ERVW-1: variants seen among roughly 807,000 people sequenced by gnomAD.
ERVW-1 encodes the protein endogenous retrovirus group W member 1, envelope, also known as syncytin-1.
In ERVW-1, 21 loss-of-function variants were observed where a neutral mutation model predicts 16.6. The ratio of observed to expected loss-of-function variants is 1.26; its 90% CI spans 0.90 to 1.82. The LOEUF (loss-of-function observed/expected upper bound fraction) is 1.82, where lower values mean the gene tolerates loss of function less well. Among genes scored for constraint, ERVW-1 ranks in the 40% most tolerant of loss-of-function variants. The probability of loss-of-function intolerance (pLI) is 0.00; values close to 1 mark genes in which losing one functional copy is unlikely to be tolerated. For missense variants in ERVW-1, 412 were observed against 300.2 expected (o/e 1.37, Z -2.75); for synonymous variants, 161 against 109.8 (o/e 1.47, Z -2.92).
chr7:92,468,832 C>G lies in ERVW-1; in HGVS notation c.1550G>C (p.Gly517Ala). The G allele has an allele frequency of 2.6e-6, 2 of 764,240 alleles. No individual in the cohort carries two copies. The highest frequency in any genetic ancestry group is 2.7e-5 in the South Asian group (2 of 74,422). The allele number at this position is 764,240 out of a possible 1,614,324, so 47.3% of individuals were successfully genotyped here. A position where few individuals can be genotyped will look rare whatever the true frequency, so the allele number is the denominator to read the frequency against. Residue 517 changes from glycine to alanine, a missense_variant, in exon 2 of 2, where the codon GGC becomes GCC. Coordinates refer to ENST00000603053, the MANE Select transcript of ERVW-1 (RefSeq NM_001130925.2). ...SPRSDVNDIKGTPPEEISAAQ... is the reference protein window; with the variant it reads ...SPRSDVNDIKATPPEEISAAQ... ...AGCTGAGATTTCCTCAGGAGGGGTG[C>G]CTTTGATGTCATTAACATCAGATCG... is the stretch of plus-strand genomic sequence containing the variant.
intron 1 of ERVW-1, chr7:92,472,518 G>T (rs1790387881): frequency 6.6e-6 from 1 of 152,218 alleles, no homozygotes; most frequent in Non-Finnish European, 1.5e-5. Context: ...GACATATGAA[G>T]AAAAGTCTTG....
At chr7:92,474,368 A>G (rs1790459293) in intron 1 of ERVW-1, among the ~76,000 whole-genome samples, 1 of 152,244 alleles carries the variant, frequency 6.6e-6, no homozygotes, top group East Asian at 1.9e-4. Flanking sequence ...CGCTTCCTCA[A>G]TGCCTCCCTT....
At chr7:92,475,986 C>T (rs963602372) in intron 1 of ERVW-1, among the ~76,000 whole-genome samples, 1 of 152,226 alleles carries the variant, frequency 6.6e-6, no homozygotes, top group Non-Finnish European at 1.5e-5. Flanking sequence ...TCTAACTCTG[C>T]TTCCACAAGA....
chr7:92,475,447 T>C (rs60270139), intron 1 of ERVW-1: 29,795 of 152,126 alleles, frequency 0.2, 3,184 homozygotes, highest in East Asian at 0.32. Context: ...GAATTAGTTA[T>C]GCTCACTGAT....
Position 92,470,248 on chromosome 7 carries a change from C to A in ERVW-1, c.134G>T (p.Gly45Val), listed in dbSNP as rs138158636. Reference sequence around the variant, plus strand: ...CCTATACGATGGGGCATCAATATTTCCGGGACGCTGCATTCTCCATAGAAA... The same window carrying A: ...CCTATACGATGGGGCATCAATATTTACGGGACGCTGCATTCTCCATAGAAA... ...QEFLWRMQRPGNIDAPSYRSL... is the reference protein window; with the variant it reads ...QEFLWRMQRPVNIDAPSYRSL... The change falls in exon 2 of 2, where the codon GGA (glycine) becomes GTA (valine). Residue 45 changes from glycine to valine, a missense_variant. Coordinates refer to ENST00000603053, the MANE Select transcript of ERVW-1 (RefSeq NM_001130925.2). The A allele has an allele frequency of 1.3e-5, 10 of 778,546 alleles. No individual in the cohort carries two copies. Among genetic ancestry groups the A allele is most frequent in the Non-Finnish European group, 2.2e-5 (9 of 417,886 alleles). 48.2% of individuals were successfully genotyped at this position (778,546 alleles called of 1,614,324 possible).
At position 92,468,552 on chromosome 7, in the gene ERVW-1, C is replaced by T; in HGVS notation, c.*213G>A. 1 of 425,552 alleles carries T rather than the reference C, an allele frequency of 2.3e-6. No individual in the cohort carries two copies. The allele number at this position is 425,552 out of a possible 1,614,324, so 26.4% of individuals were successfully genotyped here. ...AGATGATTGGCTATTTCTTTACCTC[C>T]TGTCTTTGCCTAATTAGCATTTTAG... On this transcript the variant is annotated 3_prime_UTR_variant, in exon 2 of 2. Coordinates refer to ENST00000603053, the MANE Select transcript of ERVW-1 (RefSeq NM_001130925.2).
rs1158553489 is a variant in ERVW-1, at chr7:92,469,931, G to T, written c.451C>A (p.Leu151Ile). ...CGGAGGGTTTCATGTAGTTTTGAGA[G>T]ATCTAGTCCTTTGTAGGGGCTAGAG... is the stretch of plus-strand genomic sequence containing the variant. ...GTSSPYKGLD[L>I]SKLHETLRTH... Residue 151 changes from leucine (L) to isoleucine (I), a missense_variant, in exon 2 of 2, where the codon CTC becomes ATC. By Grantham distance (5) the Leu-to-Ile change is conservative. Transcript: ENST00000603053. 1.3e-6 allele frequency: 1 copy of T among 778,360 alleles called. No homozygotes were observed. The highest frequency in any genetic ancestry group is 2.4e-5 in the East Asian group (1 of 41,240). The allele number at this position is 778,360 out of a possible 1,614,324, so 48.2% of individuals were successfully genotyped here. A position where few individuals can be genotyped will look rare whatever the true frequency, so the allele number is the denominator to read the frequency against.
At chr7:92,472,659 A>T (rs1562831728) in intron 1 of ERVW-1, 1 of 152,334 alleles carries the variant, frequency 6.6e-6, no homozygotes, top group East Asian at 1.9e-4. Context: ...TGACCTGGCT[A>T]TTTCGCCATA....
intron 1 of ERVW-1, among the ~76,000 whole-genome samples, chr7:92,473,746 A>T (rs548983838): frequency 1.3e-5 from 2 of 152,094 alleles, no homozygotes; most frequent in South Asian, 2.1e-4. Flanking sequence ...TCTGGAGGAC[A>T]GTTGTCCGGG....
chr7:92,468,990 A>G lies in ERVW-1; in HGVS notation c.1392T>C (p.Phe464=), dbSNP rs917997008. Reference sequence around the variant, plus strand: ...CAAGGAGGTTAAAGATACAGGGTCCAAAGAGGAGTAGCAATATTATAGCTG... The same window carrying G: ...CAAGGAGGTTAAAGATACAGGGTCCGAAGAGGAGTAGCAATATTATAGCTG... ...PLAAIILLLL[F]GPCIFNLLVN... Residue 464 remains phenylalanine, a synonymous_variant, in exon 2 of 2, where the codon TTT becomes TTC. Coordinates refer to ENST00000603053, the MANE Select transcript of ERVW-1 (RefSeq NM_001130925.2). 5 of 758,454 alleles carry G rather than the reference A, an allele frequency of 6.6e-6. No homozygotes were observed. In the African/African-American group the frequency reaches 8.5e-5, roughly 13 times the overall value. 47.0% of individuals were successfully genotyped at this position (758,454 alleles called of 1,614,324 possible).
intron 1 of ERVW-1, chr7:92,473,262 A>G (rs886099691): frequency 6.6e-6 from 1 of 152,164 alleles, no homozygotes; most frequent in Non-Finnish European, 1.5e-5. Context: ...GAGATCTTGC[A>G]CTAACCTCCA....
intron 1 of ERVW-1, chr7:92,471,463 T>C (rs1430869646): frequency 5.9e-5 from 9 of 152,226 alleles, no homozygotes; most frequent in Admixed American, 5.9e-4. Flanking sequence ...ATTGGATAGT[T>C]GCAGGCAAAA....
At chr7:92,472,365 A>C (rs983801240) in intron 1 of ERVW-1, 1 of 152,174 alleles carries the variant, frequency 6.6e-6, no homozygotes, top group Non-Finnish European at 1.5e-5. Flanking sequence ...AGATACTAAG[A>C]CTGCTACTGC....
In ERVW-1 at chr7:92,469,259, G is replaced by C; in HGVS notation, c.1123C>G (p.Leu375Val). The C allele has an allele frequency of 1.3e-6, 1 of 764,292 alleles. No individual in the cohort carries two copies. The highest frequency in any genetic ancestry group is 2.4e-6 in the Non-Finnish European group (1 of 417,728). The allele number at this position is 764,292 out of a possible 1,614,324, so 47.3% of individuals were successfully genotyped here. A position where few individuals can be genotyped will look rare whatever the true frequency, so the allele number is the denominator to read the frequency against. Residue 375 changes from leucine to valine, a missense_variant, in exon 2 of 2, where the codon CTA (leucine) becomes GTA (valine). Leu to Val is a conservative substitution (Grantham distance 32). Coordinates refer to ENST00000603053, the MANE Select transcript of ERVW-1 (RefSeq NM_001130925.2). ...LVTLQDQLNS[L>V]AAVVLQNRRA... is the part of the protein sequence containing the mutation. ...CGATTTTGAAGGACTACTGCTGCTA[G>C]GGAGTTAAGTTGATCTTGCAAGGTG...
At chr7:92,471,689 T>C (rs1790358437) in intron 1 of ERVW-1, 1 of 152,186 alleles carries the variant, frequency 6.6e-6, no homozygotes, top group Non-Finnish European at 1.5e-5. Flanking sequence ...CTATTTCCCT[T>C]TCCTTTCCTT....
At chr7:92,475,938 G>T (rs1029599109) in intron 1 of ERVW-1, among the ~76,000 whole-genome samples, 2 of 152,224 alleles carry the variant, frequency 1.3e-5, no homozygotes, top group African/African-American at 4.8e-5. Flanking sequence ...AGTGCAAACA[G>T]CTCACACGTT....
At chr7:92,476,405 T>A (rs1790544138) in intron 1 of ERVW-1, among the ~76,000 whole-genome samples, 1 of 152,222 alleles carries the variant, frequency 6.6e-6, no homozygotes, top group Non-Finnish European at 1.5e-5. Flanking sequence ...ATAGGGAAGC[T>A]ACGGGTTGTC....
chr7:92,469,408 A>G lies in ERVW-1; in HGVS notation c.974T>C (p.Ile325Thr), dbSNP rs139701917. The change falls in exon 2 of 2, where the codon ATA becomes ACA. Residue 325 changes from isoleucine to threonine, a missense_variant. Physicochemically the swap from Ile to Thr is moderately conservative, Grantham distance 89. Coordinates refer to ENST00000603053, the MANE Select transcript of ERVW-1 (RefSeq NM_001130925.2). ...TAGTGCACCTAGCACTCCTGCTCCT[A>G]TAACAAAAGGAAGAATGGGTACTCT... ...NKRVPILPFV[I>T]GAGVLGALGT... 25 of 771,072 alleles carry G rather than the reference A, an allele frequency of 3.2e-5. No homozygotes were observed. Among genetic ancestry groups the G allele is most frequent in the African/African-American group, 8.5e-5 (5 of 58,934 alleles). The allele number at this position is 771,072 out of a possible 1,614,324, so 47.8% of individuals were successfully genotyped here.
intron 1 of ERVW-1, among the ~76,000 whole-genome samples, chr7:92,473,399 G>A (rs761299118): frequency 2.0e-5 from 3 of 152,028 alleles, no homozygotes; most frequent in Admixed American, 1.3e-4. Flanking sequence ...TGGGTCTGAG[G>A]GGGTACTGCC....
Sources: allele counts gnomAD v4.1 joint callset (sites outside exome capture counted in the v4.1 genomes callset), GRCh38; gene constraint gnomAD v4.1.1; transcripts MANE v1.5; gene names NCBI Gene and HGNC (gene_info 2026-07-23, HGNC 2026-07-21).